C4orf50: variants seen among roughly 807,000 people sequenced by gnomAD.
The protein encoded by C4orf50 is uncharacterized protein C4orf50.
In C4orf50, 80 loss-of-function variants were observed where a neutral mutation model predicts 77.2. That is an observed-to-expected ratio of 1.04 (90% CI 0.87 to 1.25). The LOEUF is 1.25. C4orf50 is among the 50% of genes most tolerant of loss of function. The pLI, the probability that C4orf50 is intolerant of heterozygous loss-of-function variation, is 0.00. For synonymous variants in C4orf50, 532 were observed against 465.3 expected (o/e 1.14, Z -1.84); for missense variants, 1,257 against 1,152.9 (o/e 1.09, Z -1.31).
chr4:5,926,026 C>T (rs895560739), intron 7 of C4orf50, among the ~76,000 whole-genome samples: 12 of 152,282 alleles, frequency 7.9e-5, no homozygotes, highest in Admixed American at 7.2e-4. Context: ...GGCGGAGCCA[C>T]GCACAGATCC....
Position 5,937,365 on chromosome 4 carries a change from T to C in C4orf50, c.*2474+19536A>G, listed in dbSNP as rs187657249. Among the ~76,000 whole-genome samples, 77 of 152,234 alleles carry C rather than the reference T, an allele frequency of 5.1e-4. No individual in the cohort carries two copies. In the South Asian group the frequency reaches 5.4e-3, roughly 11 times the overall value. ...TAGAGATGCCAAGCCAAGAATGCAC[T>C]TTGAAACGTTAAAGGGTAGCCACTA... On this transcript the variant is annotated intron_variant, in intron 7 of 7. Transcript: ENST00000324058.
rs192871079 is a variant in C4orf50 at position 5,992,055 on chromosome 4, C to A, written c.1221+748G>T. On this transcript the variant is annotated intron_variant, in intron 27 of 33. Transcript: ENST00000531445. The surrounding 1 kb of genome is among the most constrained non-coding windows in gnomAD (Gnocchi z 5.0). Reference sequence around the variant, plus strand: ...GTGTGACCTTGAGCAAGTTCCTTAACCTGCTGGAGCCTCAGCCACCTCACC... The same window carrying A: ...GTGTGACCTTGAGCAAGTTCCTTAAACTGCTGGAGCCTCAGCCACCTCACC... 2.6e-5 allele frequency among the ~76,000 whole-genome samples: 4 copies of A among 152,320 alleles called. No homozygotes were observed. Among genetic ancestry groups the A allele is most frequent in the Non-Finnish European group, 5.9e-5 (4 of 68,034 alleles).
chr4:5,913,213 T>C (rs1716887554), intron 7 of C4orf50, among the ~76,000 whole-genome samples: 1 of 152,196 alleles, frequency 6.6e-6, no homozygotes, highest in African/African-American at 2.4e-5. Flanking sequence ...GCCTACCTTA[T>C]GGGGCTGGTG....
chr4:5,966,412 T>C (rs985797793), intron 32 of C4orf50, among the ~76,000 whole-genome samples: 37 of 149,708 alleles, frequency 2.5e-4, no homozygotes, highest in Non-Finnish European at 4.3e-4. Flanking sequence ...GAGACGGAGG[T>C]TGCAGTGAGC....
In C4orf50 at chr4:6,007,770, G is replaced by A. The variant is rs998799261; in HGVS notation, c.963+226C>T. ...GGACAGGTGAGTGGACACGGTTGGT[G>A]GATGGGTAATGAGGTGGGCGTGCAC... On this transcript the variant is annotated intron_variant, in intron 25 of 33. Transcript: ENST00000531445. This position sits in a 1 kb window ranked among gnomAD's most constrained non-coding sequence, Gnocchi z 4.1. 1.4e-5 allele frequency among the ~76,000 whole-genome samples: 2 copies of A among 146,608 alleles called. No individual in the cohort carries two copies. Among genetic ancestry groups the A allele is most frequent in the African/African-American group, 5.0e-5 (2 of 39,998 alleles).
chr4:5,915,277 C>T (rs889720944), intron 7 of C4orf50, among the ~76,000 whole-genome samples: 10 of 152,210 alleles, frequency 6.6e-5, no homozygotes, highest in Non-Finnish European at 7.3e-5. Flanking sequence ...TTTGTCCACA[C>T]GCTTTAAGGT....
intron 30 of C4orf50, among the ~76,000 whole-genome samples, chr4:5,975,624 C>T (rs1261384178): frequency 6.6e-6 from 1 of 151,992 alleles, no homozygotes; most frequent in African/African-American, 2.4e-5. Context: ...CAATCTTCCC[C>T]CCTCAGCCCT....
chr4:5,995,437 C>T (rs1182486753), intron 25 of C4orf50, among the ~76,000 whole-genome samples: 1 of 151,746 alleles, frequency 6.6e-6, no homozygotes, highest in Non-Finnish European at 1.5e-5. Flanking sequence ...GAGGCAGCTC[C>T]TTCCTCCCTG....
At chr4:5,984,789 A>C (rs1291216143) in intron 28 of C4orf50, among the ~76,000 whole-genome samples, 1 of 152,078 alleles carries the variant, frequency 6.6e-6, no homozygotes, top group Non-Finnish European at 1.5e-5. Flanking sequence ...ATTTGAAGAA[A>C]TAATGATCAA....
intron 31 of C4orf50, among the ~76,000 whole-genome samples, chr4:5,969,079 T>C (rs1387617780): frequency 6.6e-6 from 1 of 152,076 alleles, no homozygotes. Flanking sequence ...AGAAATACGG[T>C]ACCAATATGT....
At chr4:6,010,774 T>G (rs1051542721) in intron 24 of C4orf50, among the ~76,000 whole-genome samples, 2 of 152,224 alleles carry the variant, frequency 1.3e-5, no homozygotes, top group African/African-American at 4.8e-5. Context: ...TCTGCAGCCT[T>G]TCCTAAAAGT....
downstream of C4orf50, among the ~76,000 whole-genome samples, chr4:5,953,730 C>T (rs1456498683): frequency 6.6e-6 from 1 of 152,128 alleles, no homozygotes; most frequent in Non-Finnish European, 1.5e-5. Flanking sequence ...CTGGGGGACT[C>T]CAAGACCTGC....
rs1722710243 is a variant in C4orf50 at position 6,017,107 on chromosome 4, C to G, written c.287+1038G>C. 6.6e-6 allele frequency among the ~76,000 whole-genome samples: 1 copy of G among 152,224 alleles called. No homozygotes were observed. Among genetic ancestry groups the G allele is most frequent in the Non-Finnish European group, 1.5e-5 (1 of 68,036 alleles). On this transcript the variant is annotated intron_variant, in intron 23 of 33. Transcript: ENST00000531445. This position sits in a 1 kb window ranked among gnomAD's most constrained non-coding sequence, Gnocchi z 4.7. ...TGGATTCAAACGCCCCACCTTGAGG[C>G]CAGGTCAGCTCCATCAGGCAAACAG...
chr4:5,993,348 G>T (rs1299436900), intron 26 of C4orf50, among the ~76,000 whole-genome samples: 2 of 152,356 alleles, frequency 1.3e-5, no homozygotes, highest in African/African-American at 2.4e-5. Flanking sequence ...AAGGGAAAAC[G>T]CTGGTTGCAT....
rs1321861605 is a variant in C4orf50, at chr4:5,908,568, T to C, written c.*2475-10380A>G. ...TCCAAGCAGGGAGACGACCATGCGA[T>C]GGGGAGGGGGGAAAGCCCTGGGGTA... On this transcript the variant is annotated intron_variant, in intron 7 of 7. Coordinates refer to the C4orf50 transcript ENST00000324058. The surrounding 1 kb of genome is among the most constrained non-coding windows in gnomAD (Gnocchi z 5.6). 6.6e-6 allele frequency among the ~76,000 whole-genome samples: 1 copy of C among 151,802 alleles called. No individual in the cohort carries two copies. The highest frequency in any genetic ancestry group is 1.5e-5 in the Non-Finnish European group (1 of 67,960).
chr4:5,899,459 A>T (rs559548868), intron 7 of C4orf50: 2 of 152,242 alleles, frequency 1.3e-5, no homozygotes, highest in Non-Finnish European at 2.9e-5. Flanking sequence ...AGCTCAAAGC[A>T]GTAACACATC....
At chr4:5,915,621 C>T (rs1716998275) in intron 7 of C4orf50, among the ~76,000 whole-genome samples, 1 of 152,242 alleles carries the variant, frequency 6.6e-6, no homozygotes, top group African/African-American at 2.4e-5. Context: ...GGCTAGCAAA[C>T]TGAAGACAGT....
intron 33 of C4orf50, among the ~76,000 whole-genome samples, chr4:5,962,862 G>A (rs1426548153): frequency 2.0e-5 from 3 of 152,100 alleles, no homozygotes. Context: ...TCCTCTTCTA[G>A]TCTCCGCTCT....
chr4:5,906,754 C>T lies in C4orf50; in HGVS notation c.*2475-8566G>A, dbSNP rs76046119. Among the ~76,000 whole-genome samples the T allele has an allele frequency of 3.0e-3, 460 of 152,252 alleles. 1 individual carries two copies. The highest frequency in any genetic ancestry group is 0.01 in the African/African-American group (430 of 41,538). ...AAGCCAACCTACTCAGGGCATTGTT[C>T]GTGTAGGTGTCTTTAGTCTCCTTCT... is the stretch of plus-strand genomic sequence containing the variant. On this transcript the variant is annotated intron_variant, in intron 7 of 7. Transcript: ENST00000324058.
Sources: gnomAD v4.1 joint callset for allele counts (sites outside exome capture counted in the v4.1 genomes callset) on GRCh38, gnomAD v4.1.1 for gene constraint, Gnocchi (gnomAD v3.1) non-coding constraint, MANE v1.5 for transcripts, NCBI Gene and HGNC (gene_info 2026-07-23, HGNC 2026-07-21) for gene names.